ZNF451: variants seen among roughly 807,000 people sequenced by gnomAD.
The protein encoded by ZNF451 is E3 SUMO-protein ligase ZNF451.
A neutral mutation model predicts 107.1 loss-of-function variants in ZNF451; 80 were observed. The ratio of observed to expected loss-of-function variants is 0.75; its 90% CI spans 0.62 to 0.90. The LOEUF (loss-of-function observed/expected upper bound fraction) is 0.90, where lower values mean the gene tolerates loss of function less well. ZNF451 is among the 40% of genes least tolerant of loss of function. The pLI, the probability that ZNF451 is intolerant of heterozygous loss-of-function variation, is 0.00. For synonymous variants in ZNF451, 362 were observed against 406.5 expected (o/e 0.89, Z 1.32); for missense variants, 1,107 against 1,236.2 (o/e 0.90, Z 1.57).
intron 2 of ZNF451, among the ~76,000 whole-genome samples, chr6:57,096,176 GTT>G (rs749589304): frequency 4.3e-3 from 252 of 58,404 alleles, no homozygotes; most frequent in African/African-American, 0.017. Flanking sequence ...CTTTCTTTCT[GTT>G]TTTTTTTTTT....
chr6:57,142,227 A>G, intron 9 of ZNF451, 132 bp downstream of exon 9: 1 of 1,064,976 alleles, frequency 9.4e-7, no homozygotes, highest in African/African-American at 1.6e-5. Context: ...AAATTAGCCA[A>G]ATTTAACATA....
At chr6:57,132,577 G>C (rs1030340401) in intron 5 of ZNF451, among the ~76,000 whole-genome samples, 2 of 152,122 alleles carry the variant, frequency 1.3e-5, no homozygotes, top group Admixed American at 6.6e-5. Context: ...AATATTAGCT[G>C]GGCATGGTGG....
chr6:57,152,410 C>T (rs1193338623), intron 12 of ZNF451, 59 bp downstream of exon 12: 12 of 1,594,428 alleles, frequency 7.5e-6, no homozygotes, highest in Middle Eastern at 3.3e-4. Context: ...GCATTTTTTT[C>T]CCCACTTGAA....
intron 7 of ZNF451, among the ~76,000 whole-genome samples, chr6:57,136,199 A>G (rs1831418275): frequency 6.6e-6 from 1 of 152,036 alleles, no homozygotes; most frequent in South Asian, 2.1e-4. Context: ...AAATAGTAAC[A>G]TGATCATAAA....
rs1178934648 is a variant in ZNF451 at position 57,148,067 on chromosome 6, A to G, written c.1982A>G (p.Asn661Ser). 4 of 1,614,132 alleles carry G rather than the reference A, an allele frequency of 2.5e-6. No individual in the cohort carries two copies. Among genetic ancestry groups the G allele is most frequent in the East Asian group, 4.5e-5 (2 of 44,892 alleles). Residue 661 changes from asparagine to serine, a missense_variant, in exon 10 of 15, where the codon AAT (asparagine) becomes AGT (serine). Transcript: ENST00000370706. Reference protein sequence around the residue: ...LYRHCQDEHDNEIKIKYFCGL... With the variant: ...LYRHCQDEHDSEIKIKYFCGL... ...CGACATTGCCAAGATGAGCATGACA[A>G]TGAGATAAAGATTAAATACTTCTGT...
At chr6:57,138,790 A>G (rs1221187136) in intron 7 of ZNF451, among the ~76,000 whole-genome samples, 1 of 56,082 alleles carries the variant, frequency 1.8e-5, no homozygotes, top group African/African-American at 6.1e-5. Context: ...TATATATATA[A>G]AATTTTTTTT....
intron 13 of ZNF451, among the ~76,000 whole-genome samples, chr6:57,157,527 C>A (rs1340006256): frequency 6.6e-6 from 1 of 152,030 alleles, no homozygotes; most frequent in African/African-American, 2.4e-5. Context: ...GGTAAAAGTT[C>A]TTTTCTCTAC....
At chr6:57,097,765 T>G (rs1281982277) in intron 2 of ZNF451, among the ~76,000 whole-genome samples, 1 of 152,072 alleles carries the variant, frequency 6.6e-6, no homozygotes, top group East Asian at 1.9e-4. Context: ...CAGGCCTGCA[T>G]TTCCAGCTGT....
chr6:57,159,251 T>TAAG, intron 13 of ZNF451: 1 of 985,432 alleles, frequency 1.0e-6, no homozygotes, highest in Non-Finnish European at 1.2e-6. Flanking sequence ...GTCAAGTTAA[T>TAAG]CCTTGACAAA....
intron 3 of ZNF451, chr6:57,101,951 A>G (rs1829619449): frequency 6.4e-6 from 10 of 1,550,568 alleles, no homozygotes; most frequent in Non-Finnish European, 8.7e-6. Flanking sequence ...TACTATAATC[A>G]GCATCGATAC....
intron 3 of ZNF451, among the ~76,000 whole-genome samples, chr6:57,111,756 T>C (rs143297818): frequency 7.2e-5 from 11 of 152,364 alleles, no homozygotes; most frequent in African/African-American, 2.6e-4. Flanking sequence ...GTAAGTCATT[T>C]TCCTAAAATG....
intron 6 of ZNF451, 45 bp downstream of exon 6, chr6:57,133,237 C>T: frequency 6.4e-7 from 1 of 1,555,378 alleles, no homozygotes; most frequent in South Asian, 1.2e-5. Context: ...ATCTAGTGAG[C>T]TACCAAGTGA....
chr6:57,095,682 A>G (rs1319715425), intron 2 of ZNF451, among the ~76,000 whole-genome samples: 4 of 152,074 alleles, frequency 2.6e-5, no homozygotes, highest in Non-Finnish European at 4.4e-5. Flanking sequence ...AGTGTGAATC[A>G]TATAAAATTA....
rs1379463661 is a variant in ZNF451, at chr6:57,103,003, T to G, written c.186+3862T>G. The stretch of plus-strand genomic sequence containing the variant: ...AGCTGGGCCTTTCACCAAGATGGCC[T>G]TCTTAAACAACCTACCTTCTAAACA... On this transcript the variant is annotated intron_variant, in intron 3 of 14. Coordinates refer to ENST00000370706, the MANE Select transcript of ZNF451 (RefSeq NM_001031623.3). 3 of 985,334 alleles carry G rather than the reference T, an allele frequency of 3.0e-6. No individual in the cohort carries two copies. In the African/African-American group the frequency reaches 5.2e-5, roughly 17 times the overall value. 61.0% of individuals were successfully genotyped at this position (985,334 alleles called of 1,614,324 possible). A position where few individuals can be genotyped will look rare whatever the true frequency, so the allele number is the denominator to read the frequency against.
intron 3 of ZNF451, among the ~76,000 whole-genome samples, chr6:57,122,300 T>C (rs1418029027): frequency 6.6e-6 from 1 of 152,128 alleles, no homozygotes; most frequent in Admixed American, 6.6e-5. Context: ...GAAATACTCT[T>C]CTAGACATTG....
chr6:57,137,236 A>G lies in ZNF451; in HGVS notation c.702+2366A>G, dbSNP rs186768775. ...CAAGAAGAGGTCACTAGAAGATTGT[A>G]TAAGCCTCGCTGTTTTTTATAGGTA... On this transcript the variant is annotated intron_variant, in intron 7 of 14. Coordinates refer to ENST00000370706, the MANE Select transcript of ZNF451 (RefSeq NM_001031623.3). Among the ~76,000 whole-genome samples the G allele has an allele frequency of 2.6e-5, 4 of 152,362 alleles. No individual in the cohort carries two copies. In the East Asian group the frequency reaches 5.8e-4, roughly 22 times the overall value.
intron 10 of ZNF451, among the ~76,000 whole-genome samples, chr6:57,149,417 T>G (rs995520879): frequency 6.6e-6 from 1 of 152,188 alleles, no homozygotes; most frequent in Non-Finnish European, 1.5e-5. Flanking sequence ...CTTTTATTTG[T>G]AAAATTTTTT....
chr6:57,137,225 T>C (rs1190974032), intron 7 of ZNF451, among the ~76,000 whole-genome samples: 1 of 152,238 alleles, frequency 6.6e-6, no homozygotes, highest in Non-Finnish European at 1.5e-5. Flanking sequence ...AAGAGGTCAC[T>C]AGAAGATTGT....
intron 3 of ZNF451, chr6:57,104,062 A>G (rs760351939): frequency 1.0e-6 from 1 of 984,788 alleles, no homozygotes; most frequent in South Asian, 4.7e-5. Flanking sequence ...AATTTAGCCC[A>G]GTCATATCAA....
Sources: gnomAD v4.1 joint callset for allele counts (sites outside exome capture counted in the v4.1 genomes callset) on GRCh38, gnomAD v4.1.1 for gene constraint, MANE v1.5 for transcripts, NCBI Gene and HGNC (gene_info 2026-07-23, HGNC 2026-07-21) for gene names.